The following DCAF16 variants were observed in gnomAD, a reference collection of about 807,000 sequenced individuals.
The protein encoded by DCAF16 is DDB1- and CUL4-associated factor 16.
DCAF16 carries 10 observed loss-of-function variants against 17.3 expected under a neutral mutation model. The observed-to-expected ratio is 0.58, with a 90% CI of 0.36 to 0.98. The LOEUF is 0.98. DCAF16 is among the 50% of genes least tolerant of loss of function. DCAF16 has a pLI of 0.01. For synonymous variants in DCAF16, 111 were observed against 92.8 expected, an observed-to-expected ratio of 1.20 and a Z score of -1.12; for missense variants, 249 against 247.6, an observed-to-expected ratio of 1.01 and a Z score of -0.04.
chr4:17,804,191 C>T lies in DCAF16; in HGVS notation c.-50G>A. 4 of 1,447,420 alleles carry T rather than the reference C, an allele frequency of 2.8e-6. No individual in the cohort carries two copies. The highest frequency in any genetic ancestry group is 3.7e-6 in the Non-Finnish European group (4 of 1,068,680). 89.7% of individuals were successfully genotyped at this position (1,447,420 alleles called of 1,614,324 possible). A position where few individuals can be genotyped will look rare whatever the true frequency, so the allele number is the denominator to read the frequency against. ...AGAAAAAGGTAATAATCTAAGCCAG[C>T]AGAACACTGACTAACACTGGCAAAT... On this transcript the variant is annotated 5_prime_UTR_variant, in exon 3 of 3. Transcript: ENST00000382247.
At chr4:17,804,994 G>A (rs1160645521) in intron 2 of DCAF16, 113 bp downstream of exon 2, 2 of 151,990 alleles carry the variant, frequency 1.3e-5, no homozygotes, top group Non-Finnish European at 2.9e-5. Flanking sequence ...GTACATAACT[G>A]GGCCAGTTTG....
chr4:17,795,066 G>T, the DCAF16 span, among the ~76,000 whole-genome samples: 5 of 152,312 alleles, frequency 3.3e-5, no homozygotes, highest in Non-Finnish European at 7.4e-5. Context: ...AGAAAAGGTA[G>T]ATGGTGAGAT....
chr4:17,793,872 A>T, the DCAF16 span, among the ~76,000 whole-genome samples: 1 of 152,176 alleles, frequency 6.6e-6, no homozygotes, highest in Non-Finnish European at 1.5e-5. Context: ...AAGGAGATGG[A>T]CAAATTGGCC....
chr4:17,808,263 T>G (rs772475326), intron 1 of DCAF16, among the ~76,000 whole-genome samples: 2 of 152,260 alleles, frequency 1.3e-5, no homozygotes, highest in Non-Finnish European at 2.9e-5. Flanking sequence ...TTCTTTGTCG[T>G]GGACCGTAAG....
At chr4:17,808,120 G>A (rs1720499135) in intron 1 of DCAF16, among the ~76,000 whole-genome samples, 1 of 152,142 alleles carries the variant, frequency 6.6e-6, no homozygotes, top group African/African-American at 2.4e-5. Context: ...TTTTTTTAAG[G>A]CAGGATCAAC....
chr4:17,793,877 T>C, the DCAF16 span, among the ~76,000 whole-genome samples: 1 of 152,170 alleles, frequency 6.6e-6, no homozygotes, highest in African/African-American at 2.4e-5. Flanking sequence ...GATGGACAAA[T>C]TGGCCTGGCA....
the DCAF16 span, among the ~76,000 whole-genome samples, chr4:17,794,118 GAAAA>G: frequency 2.0e-5 from 3 of 152,150 alleles, no homozygotes; most frequent in Non-Finnish European, 4.4e-5. Flanking sequence ...CATGGAAGAT[GAAAA>G]ACAGTATCGA....
rs754492325 is a variant in DCAF16, at chr4:17,803,676, A to G, written c.466T>C (p.Leu156=). 1 of 1,614,198 alleles carries G rather than the reference A, an allele frequency of 6.2e-7. No homozygotes were observed. The highest frequency in any genetic ancestry group is 1.7e-5 in the Admixed American group (1 of 60,020). Residue 156 remains leucine, a synonymous_variant, in exon 3 of 3, where the codon TTG becomes CTG. Coordinates refer to ENST00000382247, the MANE Select transcript of DCAF16 (RefSeq NM_017741.4). ...QFATKQLSRT[L]SRATPIPEYL... is the part of the protein sequence containing the mutation. ...TCAGGTATGGGAGTGGCTCTACTCAATGTTCGGCTTAGCTGTTTGGTGGCA... is the reference window on the plus strand; with the variant it reads ...TCAGGTATGGGAGTGGCTCTACTCAGTGTTCGGCTTAGCTGTTTGGTGGCA...
chr4:17,803,593 A>C lies in DCAF16; in HGVS notation c.549T>G (p.Thr183=). Residue 183 remains threonine (T), a synonymous_variant, in exon 3 of 3, where the codon ACT becomes ACG. Coordinates refer to ENST00000382247, the MANE Select transcript of DCAF16 (RefSeq NM_017741.4). ...CVSGCCCGWL[T]KTVKETTRTE... Reference sequence around the variant, plus strand: ...TACGAGTTGTTTCCTTAACTGTTTTAGTCAGCCAGCCACAGCAACACCCAG... The same window carrying C: ...TACGAGTTGTTTCCTTAACTGTTTTCGTCAGCCAGCCACAGCAACACCCAG... 1 of 1,614,198 alleles carries C rather than the reference A, an allele frequency of 6.2e-7. No individual in the cohort carries two copies.
chr4:17,807,889 A>G (rs1023726272), intron 1 of DCAF16, among the ~76,000 whole-genome samples: 2 of 152,222 alleles, frequency 1.3e-5, no homozygotes, highest in Non-Finnish European at 2.9e-5. Context: ...GTATGGCTTC[A>G]GGTCAGCAAT....
intron 1 of DCAF16, among the ~76,000 whole-genome samples, chr4:17,809,940 C>T (rs1720723482): frequency 6.6e-6 from 1 of 152,088 alleles, no homozygotes; most frequent in African/African-American, 2.4e-5. Context: ...CAGAGCTGCC[C>T]TCTTTCTGAT....
At chr4:17,807,282 C>T (rs934086211) in intron 1 of DCAF16, among the ~76,000 whole-genome samples, 13 of 152,076 alleles carry the variant, frequency 8.5e-5, no homozygotes, top group Admixed American at 5.9e-4. Context: ...ATACCAAGGA[C>T]AAAGTTAAAT....
At chr4:17,800,307 G>C (rs949023405), downstream of DCAF16, among the ~76,000 whole-genome samples, 1 of 152,142 alleles carries the variant, frequency 6.6e-6, no homozygotes, top group African/African-American at 2.4e-5. Flanking sequence ...GCATTTAACA[G>C]AAGCCAACAT....
downstream of DCAF16, among the ~76,000 whole-genome samples, chr4:17,799,771 T>A (rs550266740): frequency 5.3e-5 from 8 of 152,292 alleles, no homozygotes; most frequent in South Asian, 1.7e-3. Flanking sequence ...ATGTATGGAT[T>A]TTTTTCTTTT....
chr4:17,800,315 C>T (rs1158735904), downstream of DCAF16, among the ~76,000 whole-genome samples: 1 of 152,166 alleles, frequency 6.6e-6, no homozygotes, highest in African/African-American at 2.4e-5. Flanking sequence ...CAGAAGCCAA[C>T]ATAGGGAGTG....
chr4:17,803,629 A>G lies in DCAF16; in HGVS notation c.513T>C (p.Asn171=), dbSNP rs1720005453. 1.2e-6 allele frequency: 2 copies of G among 1,614,220 alleles called. No homozygotes were observed. The highest frequency in any genetic ancestry group is 8.5e-7 in the Non-Finnish European group (1 of 1,180,044). The change falls in exon 3 of 3, where the codon AAT becomes AAC. Residue 171 remains asparagine, a synonymous_variant. Coordinates refer to ENST00000382247, the MANE Select transcript of DCAF16 (RefSeq NM_017741.4). ...PIPEYLKQIP[N]SCVSGCCCGW... ...CACAGCAACACCCAGAAACACATGA[A>G]TTAGGGATCTGTTTTAGGTATTCAG...
At chr4:17,808,269 G>GT (rs1307714915) in intron 1 of DCAF16, among the ~76,000 whole-genome samples, 2 of 152,138 alleles carry the variant, frequency 1.3e-5, no homozygotes, top group Non-Finnish European at 2.9e-5. Context: ...GTCGTGGACC[G>GT]TAAGTCTTTA....
rs1261382056 is a variant in DCAF16 at position 17,803,976 on chromosome 4, C to A, written c.166G>T (p.Val56Phe). The A allele has an allele frequency of 6.2e-7, 1 of 1,614,168 alleles. No homozygotes were observed. Among genetic ancestry groups the A allele is most frequent in the South Asian group, 1.1e-5 (1 of 91,086 alleles). The change falls in exon 3 of 3, where the codon GTT becomes TTT. Residue 56 changes from valine to phenylalanine, a missense_variant. By Grantham distance (50) the Val-to-Phe change is conservative. Coordinates refer to ENST00000382247, the MANE Select transcript of DCAF16 (RefSeq NM_017741.4). ...LSPLESLAWQVKCLLKYSTTW... is the reference protein window; with the variant it reads ...LSPLESLAWQFKCLLKYSTTW... ...GTGGAATATTTTAAAAGGCACTTAA[C>A]CTGCCAGGCAAGACTCTCAAGAGGC...
intron 1 of DCAF16, among the ~76,000 whole-genome samples, chr4:17,808,505 A>C (rs1720530337): frequency 2.6e-5 from 4 of 152,154 alleles, no homozygotes; most frequent in African/African-American, 7.2e-5. Context: ...GCAGTATACT[A>C]TGTTGTTTAA....
Sources: gnomAD v4.1 joint callset for allele counts (sites outside exome capture counted in the v4.1 genomes callset) on GRCh38, gnomAD v4.1.1 for gene constraint, MANE v1.5 for transcripts, NCBI Gene and HGNC (gene_info 2026-07-23, HGNC 2026-07-21) for gene names.